Variants in LYRM1 observed in about 807,000 individuals in gnomAD.
LYRM1 encodes the protein LYR motif-containing protein 1.
In LYRM1, 14 loss-of-function variants were observed where a neutral mutation model predicts 14.9. That is an observed-to-expected ratio of 0.94 (90% CI 0.62 to 1.47). LYRM1 has a LOEUF of 1.47. LYRM1 is among the 40% of genes most tolerant of loss of function. LYRM1 has a pLI of 0.00. For missense variants in LYRM1, 153 were observed against 149.9 expected, an observed-to-expected ratio of 1.02 and a Z score of -0.11; for synonymous variants, 43 against 56.2, an observed-to-expected ratio of 0.77 and a Z score of 1.05.
intron 2 of LYRM1, among the ~76,000 whole-genome samples, 163 bp downstream of exon 2, chr16:20,915,877 A>T (rs2082868069): frequency 2.0e-5 from 3 of 152,172 alleles, no homozygotes; most frequent in Admixed American, 2.0e-4. Context: ...TTGCCTGACC[A>T]CTGGGAAGCC....
intron 1 of LYRM1, among the ~76,000 whole-genome samples, chr16:20,902,896 C>G (rs907600765): frequency 3.3e-5 from 5 of 152,166 alleles, no homozygotes; most frequent in African/African-American, 1.2e-4. Context: ...GCCATACAAT[C>G]CAACAGCTTC....
At chr16:20,914,422 G>A (rs2082765104) in intron 1 of LYRM1, among the ~76,000 whole-genome samples, 1 of 150,528 alleles carries the variant, frequency 6.6e-6, no homozygotes, top group Non-Finnish European at 1.5e-5. Flanking sequence ...CCAAGTAGCT[G>A]GGACTACAGG....
At chr16:20,909,490 C>A (rs781769251) in intron 1 of LYRM1, among the ~76,000 whole-genome samples, 14 of 152,218 alleles carry the variant, frequency 9.2e-5, no homozygotes, top group Non-Finnish European at 1.3e-4. Context: ...GTCCTCTAAA[C>A]TACTGAATAT....
At chr16:20,918,183 C>T (rs1402846355) in intron 2 of LYRM1, among the ~76,000 whole-genome samples, 1 of 152,146 alleles carries the variant, frequency 6.6e-6, no homozygotes, top group African/African-American at 2.4e-5. Context: ...AGGCACTGTC[C>T]AGCCTGCGGT....
intron 1 of LYRM1, among the ~76,000 whole-genome samples, chr16:20,908,920 A>C (rs1473025320): frequency 2.0e-5 from 3 of 152,236 alleles, no homozygotes; most frequent in Non-Finnish European, 4.4e-5. Context: ...TCCACATCAC[A>C]GTTTTTGCTG....
chr16:20,920,436 G>A, intron 3 of LYRM1: 1 of 502,076 alleles, frequency 2.0e-6, no homozygotes, highest in Non-Finnish European at 3.5e-6. Flanking sequence ...TCCACGTATG[G>A]AAGGGAAAAC....
At chr16:20,905,596 G>T (rs2082278942) in intron 1 of LYRM1, among the ~76,000 whole-genome samples, 2 of 152,020 alleles carry the variant, frequency 1.3e-5, no homozygotes, top group Non-Finnish European at 2.9e-5. Flanking sequence ...TGAGTATAGT[G>T]GACCTTATTC....
At chr16:20,915,332 C>T (rs1322444792) in intron 1 of LYRM1, among the ~76,000 whole-genome samples, 4 of 151,860 alleles carry the variant, frequency 2.6e-5, no homozygotes, top group Admixed American at 6.6e-5. Flanking sequence ...TGGTGGCGGG[C>T]GCCTGTAGTC....
intron 1 of LYRM1, among the ~76,000 whole-genome samples, chr16:20,904,446 C>T (rs2082216761): frequency 6.6e-6 from 1 of 152,208 alleles, no homozygotes; most frequent in South Asian, 2.1e-4. Context: ...AAATTATTTT[C>T]CCTTAGGTAA....
rs369247189 is a variant in LYRM1, at chr16:20,901,650, C to T, written c.-1+761C>T. On this transcript the variant is annotated intron_variant, in intron 1 of 3. Transcript: ENST00000567954. This position sits in a 1 kb window ranked among gnomAD's most constrained non-coding sequence, Gnocchi z 4.6. ...TGGGGAAGTGGCATGACTGTAGCAG[C>T]GCCTTTTAGCCCAAGGCAGGGGTTT... 9.5e-4 allele frequency among the ~76,000 whole-genome samples: 144 copies of T among 152,326 alleles called. 4 individuals are homozygous for T. In the South Asian group the frequency reaches 0.029, roughly 31 times the overall value.
chr16:20,906,833 GTCC>G (rs1484065212), intron 1 of LYRM1, among the ~76,000 whole-genome samples: 5 of 152,184 alleles, frequency 3.3e-5, no homozygotes, highest in Admixed American at 2.6e-4. Context: ...TCTTTCCATA[GTCC>G]TCCTGTAGAA....
intron 1 of LYRM1, among the ~76,000 whole-genome samples, chr16:20,908,753 G>T (rs1456633352): frequency 1.3e-5 from 2 of 152,182 alleles, no homozygotes; most frequent in Non-Finnish European, 2.9e-5. Context: ...CAAGGAAAAG[G>T]TTGCTTTGGA....
At chr16:20,920,660 G>C (rs931925855) in intron 3 of LYRM1, 1 of 167,512 alleles carries the variant, frequency 6.0e-6, no homozygotes, top group Non-Finnish European at 1.3e-5. Context: ...GGCCAAGGCA[G>C]GAGGATCACT....
intron 1 of LYRM1, among the ~76,000 whole-genome samples, chr16:20,914,201 A>G (rs1238782303): frequency 6.6e-6 from 1 of 152,164 alleles, no homozygotes; most frequent in Non-Finnish European, 1.5e-5. Context: ...ACAGACTAAA[A>G]GAGAGGTTGC....
Position 20,920,126 on chromosome 16 carries a change from C to T in LYRM1, c.164C>T (p.Thr55Met), listed in dbSNP as rs759338347. 68 of 1,608,118 alleles carry T rather than the reference C, an allele frequency of 4.2e-5. No individual in the cohort carries two copies. The highest frequency in any genetic ancestry group is 8.0e-5 in the African/African-American group (6 of 74,742). Residue 55 changes from threonine to methionine, a missense_variant, in exon 3 of 4, where the codon ACG becomes ATG. Coordinates refer to ENST00000567954, the MANE Select transcript of LYRM1 (RefSeq NM_001128302.3). ...RTLFRKNKNL[T>M]DTDLIKQCID... ...TTTCTTTCTCCCTTTTAATAGCTCA[C>T]GGACACAGACCTAATTAAACAGTGT...
chr16:20,915,715 G>A lies in LYRM1; in HGVS notation c.159+1G>A, dbSNP rs199745513. The A allele has an allele frequency of 6.5e-5, 105 of 1,613,518 alleles. No homozygotes were observed. Among genetic ancestry groups the A allele is most frequent in the Non-Finnish European group, 8.6e-5 (101 of 1,179,728 alleles). ...AACGCTGTTCCGGAAAAACAAAAAT[G>A]TAAGTAGGCCCCACTTGGAGATTGT... is the stretch of plus-strand genomic sequence containing the variant. On this transcript the variant is annotated splice_donor_variant, in intron 2 of 3. Coordinates refer to ENST00000567954, the MANE Select transcript of LYRM1 (RefSeq NM_001128302.3). LOFTEE classifies it high-confidence loss of function.
intron 1 of LYRM1, among the ~76,000 whole-genome samples, chr16:20,907,762 C>T (rs552861612): frequency 6.6e-6 from 1 of 152,246 alleles, no homozygotes; most frequent in South Asian, 2.1e-4. Flanking sequence ...TTATTAGGTT[C>T]CATCACACCA....
At chr16:20,903,230 A>G (rs890772545) in intron 1 of LYRM1, among the ~76,000 whole-genome samples, 1 of 152,238 alleles carries the variant, frequency 6.6e-6, no homozygotes, top group Non-Finnish European at 1.5e-5. Flanking sequence ...TTTGGGCTTC[A>G]TTTGAAAAAT....
At chr16:20,912,957 T>C (rs891570816) in intron 1 of LYRM1, among the ~76,000 whole-genome samples, 55 of 151,626 alleles carry the variant, frequency 3.6e-4, no homozygotes, top group African/African-American at 1.2e-3. Context: ...TCCCAGCTAA[T>C]TGGGAGGCTG....
Sources: gnomAD v4.1 joint callset for allele counts (sites outside exome capture counted in the v4.1 genomes callset) on GRCh38, gnomAD v4.1.1 for gene constraint, Gnocchi (gnomAD v3.1) non-coding constraint, MANE v1.5 for transcripts, NCBI Gene and HGNC (gene_info 2026-07-23, HGNC 2026-07-21) for gene names.